The following PTTG1IP variants were observed in gnomAD, a reference collection of about 807,000 sequenced individuals.
PTTG1IP encodes PTTG1 interacting protein.
Under a neutral mutation model 24.4 loss-of-function variants are expected in PTTG1IP, and 16 were observed. The ratio of observed to expected loss-of-function variants is 0.66; its 90% confidence interval spans 0.44 to 1.00. PTTG1IP has a LOEUF of 1.00. Among genes scored for constraint, PTTG1IP ranks in the 50% least tolerant of loss-of-function variants. The pLI is 0.00. For synonymous variants in PTTG1IP, 89 were observed against 96.8 expected, an observed-to-expected ratio of 0.92 and a Z score of 0.47; for missense variants, 241 against 245.8, an observed-to-expected ratio of 0.98 and a Z score of 0.13.
intron 2 of PTTG1IP, among the ~76,000 whole-genome samples, chr21:44,862,984 G>A (rs115098993): frequency 0.033 from 5,018 of 152,258 alleles, 292 homozygotes; most frequent in African/African-American, 0.11. Context: ...AGGATACGGT[G>A]TTCTCTGGTG....
rs373852427 is a variant in PTTG1IP at position 44,864,268 on chromosome 21, G to A, written c.168+1127C>T. 3.7e-4 allele frequency among the ~76,000 whole-genome samples: 56 copies of A among 152,366 alleles called. No homozygotes were observed. The East Asian group carries it at 0.01, about 28-fold the overall frequency. ...TCCCGTGCTGATTTCATAGCGCTGC[G>A]AGGAGACTTGGGTGCTGCCGAACCA... On this transcript the variant is annotated intron_variant, in intron 2 of 5. Coordinates refer to ENST00000330938, the MANE Select transcript of PTTG1IP (RefSeq NM_004339.4).
chr21:44,855,823 G>A lies in PTTG1IP; in HGVS notation c.449+370C>T, dbSNP rs1346821519. ...TGTCACCAGGGAAAGGGCGACAGGA[G>A]AGCTGACCCAGCCACAGTCAGACGC... On this transcript the variant is annotated intron_variant, in intron 4 of 5. Transcript: ENST00000330938. Among the ~76,000 whole-genome samples, 3 of 152,180 alleles carry A rather than the reference G, an allele frequency of 2.0e-5. No individual in the cohort carries two copies. In the East Asian group the frequency reaches 5.8e-4, roughly 29 times the overall value.
chr21:44,860,626 C>T (rs1032905986), intron 3 of PTTG1IP, among the ~76,000 whole-genome samples: 7 of 152,142 alleles, frequency 4.6e-5, no homozygotes, highest in African/African-American at 1.7e-4. Flanking sequence ...CCCACACCTT[C>T]TGTAACGTGG....
intron 5 of PTTG1IP, among the ~76,000 whole-genome samples, chr21:44,852,240 T>C (rs571723645): frequency 2.6e-5 from 4 of 151,794 alleles, no homozygotes; most frequent in Non-Finnish European, 5.9e-5. Context: ...TAGAGTGCAA[T>C]GGCGCAGTCT....
chr21:44,854,934 C>T (rs2083437733), intron 5 of PTTG1IP, among the ~76,000 whole-genome samples: 1 of 152,242 alleles, frequency 6.6e-6, no homozygotes, highest in African/African-American at 2.4e-5. Context: ...CAGCTGCAGA[C>T]TTCCAGCCCA....
In PTTG1IP at chr21:44,851,592, CA is replaced by C. The variant is rs751337860; in HGVS notation, c.531del (p.Phe177LeufsTer76). The C allele has an allele frequency of 2.5e-6, 4 of 1,593,876 alleles. No homozygotes were observed. Among genetic ancestry groups the C allele is most frequent in the Non-Finnish European group, 3.4e-6 (4 of 1,163,150 alleles). On this transcript the variant is annotated frameshift_variant, in exon 6 of 6. Transcript: ENST00000330938. LOFTEE classifies it high-confidence loss of function. Reference sequence around the variant, plus strand: ...TGTGCTGGAGCGCTTTAGTTGTTTTCAAATCTAGCATACGGGTTTTCTTCTT... The same window carrying C: ...TGTGCTGGAGCGCTTTAGTTGTTTTCAATCTAGCATACGGGTTTTCTTCTT... ...LFKEENPYAR[F>X]ENN
chr21:44,855,524 T>A (rs996701074), intron 4 of PTTG1IP, among the ~76,000 whole-genome samples: 36 of 152,300 alleles, frequency 2.4e-4, no homozygotes, highest in African/African-American at 7.5e-4. Context: ...AAATGCCCAA[T>A]ACCGTGATTT....
At chr21:44,871,439 C>A (rs190249822) in intron 1 of PTTG1IP, among the ~76,000 whole-genome samples, 1 of 152,258 alleles carries the variant, frequency 6.6e-6, no homozygotes, top group East Asian at 1.9e-4. Context: ...AAAGTGGGGT[C>A]CAAAAGCCCT....
At chr21:44,853,116 T>G (rs2083422607) in intron 5 of PTTG1IP, among the ~76,000 whole-genome samples, 2 of 152,230 alleles carry the variant, frequency 1.3e-5, no homozygotes, top group African/African-American at 4.8e-5. Flanking sequence ...GTCGAGCAAC[T>G]TAAACACAGC....
At chr21:44,863,160 ACAGCCCACCACGGC>A (rs1399060810) in intron 2 of PTTG1IP, among the ~76,000 whole-genome samples, 2 of 149,008 alleles carry the variant, frequency 1.3e-5, no homozygotes, top group Non-Finnish European at 1.5e-5. Context: ...CAGCAGAGAC[ACAGCCCACCACGGC>A]CTCAGCAGCA....
At chr21:44,862,072 T>C in intron 2 of PTTG1IP, 1 of 556,110 alleles carries the variant, frequency 1.8e-6, no homozygotes. Flanking sequence ...GACAACACCA[T>C]CACACCCGTG....
chr21:44,853,826 G>T (rs959385067), intron 5 of PTTG1IP, among the ~76,000 whole-genome samples: 2 of 152,224 alleles, frequency 1.3e-5, no homozygotes, highest in South Asian at 2.1e-4. Flanking sequence ...ACTGATGGGC[G>T]GGAACACATA....
intron 1 of PTTG1IP, among the ~76,000 whole-genome samples, chr21:44,869,058 C>T (rs898223646): frequency 2.6e-5 from 4 of 152,214 alleles, no homozygotes; most frequent in African/African-American, 9.7e-5. Context: ...CCTGCCAAAG[C>T]GCACCTGAAT....
At chr21:44,863,804 C>A (rs1367555909) in intron 2 of PTTG1IP, among the ~76,000 whole-genome samples, 1 of 152,222 alleles carries the variant, frequency 6.6e-6, no homozygotes, top group Non-Finnish European at 1.5e-5. Context: ...CAGCGTCTTT[C>A]AATTTTTAAT....
At chr21:44,852,738 T>C (rs1368627405) in intron 5 of PTTG1IP, among the ~76,000 whole-genome samples, 1 of 152,144 alleles carries the variant, frequency 6.6e-6, no homozygotes, top group Non-Finnish European at 1.5e-5. Context: ...AAGTTCTTAT[T>C]GAAAAACTCG....
At chr21:44,866,617 G>C (rs34692724) in intron 1 of PTTG1IP, among the ~76,000 whole-genome samples, 116,298 of 121,042 alleles carry the variant, frequency 0.96, 55,785 homozygotes, top group African/African-American at 0.98. Context: ...CACAGACTGC[G>C]TACTCCCCCA....
intron 5 of PTTG1IP, among the ~76,000 whole-genome samples, chr21:44,854,879 C>T (rs565357569): frequency 1.4e-4 from 22 of 152,178 alleles, no homozygotes; most frequent in Non-Finnish European, 2.9e-4. Context: ...CACAGCACCT[C>T]GGCTACGCAG....
chr21:44,853,440 A>G (rs1170669840), intron 5 of PTTG1IP, among the ~76,000 whole-genome samples: 16 of 151,222 alleles, frequency 1.1e-4, no homozygotes, highest in Non-Finnish European at 1.9e-4. Context: ...CCTGGGAGGC[A>G]GAGCTTGCAG....
intron 5 of PTTG1IP, 135 bp from the exon 6 acceptor site, chr21:44,851,762 A>G: frequency 4.6e-6 from 5 of 1,080,248 alleles, no homozygotes; most frequent in Non-Finnish European, 6.5e-6. Flanking sequence ...GCAGGCTCTC[A>G]TACAGTGCTT....
Sources: gnomAD v4.1 joint callset for allele counts (sites outside exome capture counted in the v4.1 genomes callset) on GRCh38, gnomAD v4.1.1 for gene constraint, MANE v1.5 for transcripts, NCBI Gene and HGNC (gene_info 2026-07-23, HGNC 2026-07-21) for gene names.